The following NIPBL variants were observed in gnomAD, a reference collection of about 807,000 sequenced individuals.
NIPBL encodes nipped-B-like protein.
A neutral mutation model predicts 321.8 loss-of-function variants in NIPBL; 19 were observed. That is an observed-to-expected ratio of 0.06 (90% CI 0.04 to 0.09). The LOEUF (loss-of-function observed/expected upper bound fraction) is 0.09. Ranked by LOEUF, NIPBL falls within the 10% of genes least tolerant of loss-of-function variation. The pLI is 1.00. For synonymous variants in NIPBL, 1,106 were observed against 1,114.1 expected, an observed-to-expected ratio of 0.99 and a Z score of 0.14; for missense variants, 2,210 against 3,327.0, an observed-to-expected ratio of 0.66 and a Z score of 8.26.
chr5:36,987,698 C>T (rs866462596), intron 10 of NIPBL, among the ~76,000 whole-genome samples: 12 of 152,198 alleles, frequency 7.9e-5, no homozygotes, highest in Middle Eastern at 3.4e-3. Context: ...CCTTCTGAGT[C>T]GCTAATATTT....
At chr5:36,970,009 T>G (rs1290138697) in intron 6 of NIPBL, among the ~76,000 whole-genome samples, 1 of 152,142 alleles carries the variant, frequency 6.6e-6, no homozygotes, top group African/African-American at 2.4e-5. Flanking sequence ...CAGCAAGCAT[T>G]TTAAGCGATT....
chr5:36,989,832 C>CAG (rs1745276692), intron 10 of NIPBL, among the ~76,000 whole-genome samples: 1 of 119,404 alleles, frequency 8.4e-6, no homozygotes, highest in Non-Finnish European at 1.6e-5. Context: ...GAGCGAGACT[C>CAG]TGTCTCCAAA....
chr5:37,051,566 C>T (rs530999264), intron 40 of NIPBL: 13 of 579,414 alleles, frequency 2.2e-5, no homozygotes, highest in South Asian at 2.1e-4. Context: ...AATTTTATCA[C>T]GTCAGTATTT....
At chr5:36,916,942 A>T (rs1748508762) in intron 1 of NIPBL, among the ~76,000 whole-genome samples, 1 of 152,134 alleles carries the variant, frequency 6.6e-6, no homozygotes, top group Non-Finnish European at 1.5e-5. Flanking sequence ...GCTATTGTGA[A>T]TAGTGCCGCA....
intron 3 of NIPBL, among the ~76,000 whole-genome samples, chr5:36,957,087 T>C (rs1017927134): frequency 4.6e-5 from 7 of 152,138 alleles, no homozygotes; most frequent in Non-Finnish European, 7.4e-5. Flanking sequence ...ACACCATCTT[T>C]ATAGGTCTTC....
At chr5:36,918,023 A>C (rs1414569107) in intron 1 of NIPBL, among the ~76,000 whole-genome samples, 1 of 152,140 alleles carries the variant, frequency 6.6e-6, no homozygotes, top group Non-Finnish European at 1.5e-5. Context: ...TTTTGGTTCC[A>C]TGTGAACTTT....
chr5:37,061,778 A>G (rs544008852), intron 45 of NIPBL, among the ~76,000 whole-genome samples: 10 of 152,326 alleles, frequency 6.6e-5, no homozygotes, highest in African/African-American at 1.7e-4. Context: ...ACCTAATACA[A>G]TGTAAATGCT....
At chr5:36,938,603 A>G (rs762717395) in intron 1 of NIPBL, among the ~76,000 whole-genome samples, 9 of 152,230 alleles carry the variant, frequency 5.9e-5, no homozygotes, top group Non-Finnish European at 1.2e-4. Context: ...TAGTTTGAAC[A>G]TTAAACTTTG....
chr5:36,887,843 G>A (rs965888731), intron 1 of NIPBL, among the ~76,000 whole-genome samples: 4 of 152,142 alleles, frequency 2.6e-5, no homozygotes, highest in African/African-American at 9.7e-5. Context: ...TAGTATGTAA[G>A]TCTGAACTCA....
chr5:37,008,909 A>G (rs1400420602), intron 20 of NIPBL, among the ~76,000 whole-genome samples, 186 bp downstream of exon 20: 1 of 152,222 alleles, frequency 6.6e-6, no homozygotes, highest in Non-Finnish European at 1.5e-5. Flanking sequence ...AGAAAACTTC[A>G]CTGATTCTCA....
At chr5:36,901,280 C>T (rs893350795) in intron 1 of NIPBL, among the ~76,000 whole-genome samples, 3 of 152,086 alleles carry the variant, frequency 2.0e-5, no homozygotes, top group African/African-American at 7.2e-5. Context: ...ATGATTTCAT[C>T]CTTTTTTATG....
intron 32 of NIPBL, among the ~76,000 whole-genome samples, chr5:37,035,118 A>G (rs1211972748): frequency 6.6e-6 from 1 of 152,196 alleles, no homozygotes; most frequent in Admixed American, 6.5e-5. Context: ...AGAGAACCCC[A>G]TCTCTACAAA....
chr5:37,009,428 G>A (rs754594416), intron 20 of NIPBL, among the ~76,000 whole-genome samples: 4 of 152,108 alleles, frequency 2.6e-5, no homozygotes, highest in African/African-American at 7.2e-5. Flanking sequence ...AAGTGTTGAC[G>A]TGGCATATAG....
intron 32 of NIPBL, among the ~76,000 whole-genome samples, chr5:37,035,714 C>T (rs1751614945): frequency 6.6e-6 from 1 of 152,210 alleles, no homozygotes. Flanking sequence ...TGGAACTCTT[C>T]ACAGAAATCA....
intron 42 of NIPBL, among the ~76,000 whole-genome samples, chr5:37,056,076 T>A (rs968379601): frequency 1.3e-5 from 2 of 152,158 alleles, no homozygotes; most frequent in African/African-American, 4.8e-5. Flanking sequence ...CTTTTATGGA[T>A]GTTGAAGAAA....
intron 1 of NIPBL, among the ~76,000 whole-genome samples, chr5:36,925,444 T>C (rs1037784847): frequency 6.6e-6 from 1 of 152,004 alleles, no homozygotes; most frequent in Admixed American, 6.6e-5. Flanking sequence ...ATTTTGTATT[T>C]TAGTAGAGAC....
chr5:37,058,471 T>C (rs1236657945), intron 43 of NIPBL, among the ~76,000 whole-genome samples: 1 of 152,218 alleles, frequency 6.6e-6, no homozygotes, highest in Non-Finnish European at 1.5e-5. Context: ...CTTATTATCT[T>C]GCCGAAATGT....
rs159753 is a variant in NIPBL, at chr5:37,007,527, T to C, written c.4239+53T>C. On this transcript the variant is annotated intron_variant, in intron 18 of 46. Coordinates refer to ENST00000282516, the MANE Select transcript of NIPBL (RefSeq NM_133433.4). Reference sequence around the variant, plus strand: ...TATTTCTAAACTAAATGATTAAGTCTAGTATAACCTAGCTCACTCAATAAT... The same window carrying C: ...TATTTCTAAACTAAATGATTAAGTCCAGTATAACCTAGCTCACTCAATAAT... 635,588 of 1,309,312 alleles carry C rather than the reference T, an allele frequency of 0.49. 159,061 individuals are homozygous for C. The highest frequency in any genetic ancestry group is 0.84 in the African/African-American group (57,873 of 69,030). 81.1% of individuals were successfully genotyped at this position (1,309,312 alleles called of 1,614,324 possible). A position where few individuals can be genotyped will look rare whatever the true frequency, so the allele number is the denominator to read the frequency against.
At chr5:36,908,437 CAA>C (rs1325828011) in intron 1 of NIPBL, among the ~76,000 whole-genome samples, 2 of 152,050 alleles carry the variant, frequency 1.3e-5, no homozygotes, top group Non-Finnish European at 2.9e-5. Context: ...AAATTAGAAA[CAA>C]GTCTTGAGAT....
Sources: allele counts gnomAD v4.1 joint callset (sites outside exome capture counted in the v4.1 genomes callset), GRCh38; gene constraint gnomAD v4.1.1; transcripts MANE v1.5; gene names NCBI Gene and HGNC (gene_info 2026-07-23, HGNC 2026-07-21).